Variants in PNLDC1 observed in about 807,000 individuals in gnomAD.
PNLDC1 encodes the protein poly(A)-specific ribonuclease PNLDC1.
In PNLDC1, 70 loss-of-function variants were observed where a neutral mutation model predicts 82.0. The ratio of observed to expected loss-of-function variants is 0.85; its 90% confidence interval spans 0.70 to 1.04. The LOEUF is 1.04. Ranked by LOEUF, PNLDC1 falls within the 50% of genes least tolerant of loss-of-function variation. The probability of loss-of-function intolerance (pLI) is 0.00; values close to 1 mark genes in which losing one functional copy is unlikely to be tolerated. For synonymous variants in PNLDC1, 280 were observed against 249.3 expected, an observed-to-expected ratio of 1.12 and a Z score of -1.16; for missense variants, 631 against 661.1, an observed-to-expected ratio of 0.95 and a Z score of 0.50.
In PNLDC1 at chr6:159,804,638, G is replaced by A; in HGVS notation, c.461+1G>A. 2.5e-6 allele frequency: 4 copies of A among 1,594,442 alleles called. No individual in the cohort carries two copies. The highest frequency in any genetic ancestry group is 3.4e-6 in the Non-Finnish European group (4 of 1,163,462). Reference sequence around the variant, plus strand: ...TGACTGGGAACTGGAGAGTTCGCAGGTATGGCCTGTTTCTCCAGGTGCCTT... The same window carrying A: ...TGACTGGGAACTGGAGAGTTCGCAGATATGGCCTGTTTCTCCAGGTGCCTT... On this transcript the variant is annotated splice_donor_variant, in intron 6 of 18. Transcript: ENST00000392167. LOFTEE classifies it high-confidence loss of function.
At chr6:159,810,195 C>A in intron 10 of PNLDC1, 100 bp downstream of exon 10, 1 of 1,043,426 alleles carries the variant, frequency 9.6e-7, no homozygotes, top group Non-Finnish European at 1.5e-6. Context: ...CTAAAATGCC[C>A]ATTCCTCCCC....
chr6:159,812,339 C>G (rs1449074850), intron 11 of PNLDC1, among the ~76,000 whole-genome samples: 2 of 152,194 alleles, frequency 1.3e-5, no homozygotes, highest in African/African-American at 4.8e-5. Flanking sequence ...CCTCCAGTTT[C>G]CACATTTTGA....
chr6:159,817,753 A>G (rs1406260322), intron 15 of PNLDC1, among the ~76,000 whole-genome samples: 2 of 152,244 alleles, frequency 1.3e-5, no homozygotes, highest in Non-Finnish European at 2.9e-5. Context: ...TTAGCCAGCC[A>G]GGTGAAGGAG....
At position 159,819,295 on chromosome 6, in the gene PNLDC1, T is replaced by C. The variant is rs753276430; in HGVS notation, c.1475T>C (p.Leu492Pro). 1 of 1,613,960 alleles carries C rather than the reference T, an allele frequency of 6.2e-7. No individual in the cohort carries two copies. The highest frequency in any genetic ancestry group is 2.2e-5 in the East Asian group (1 of 44,872). The change falls in exon 18 of 19, where the codon CTG becomes CCG. Residue 492 changes from leucine to proline, a missense_variant. Transcript: ENST00000392167. This position sits in a 1 kb window ranked among gnomAD's most constrained non-coding sequence, Gnocchi z 4.6. ...ILKEYRDHPTLCISLYRYWRH... is the reference protein window; with the variant it reads ...ILKEYRDHPTPCISLYRYWRH... Reference sequence around the variant, plus strand: ...AAGGAGTACCGGGACCACCCGACCCTGTGCATCTCCCTGTACCGCTACTGG... The same window carrying C: ...AAGGAGTACCGGGACCACCCGACCCCGTGCATCTCCCTGTACCGCTACTGG...
At chr6:159,802,196 A>G (rs1466266993) in intron 3 of PNLDC1, among the ~76,000 whole-genome samples, 2 of 152,274 alleles carry the variant, frequency 1.3e-5, no homozygotes, top group East Asian at 1.9e-4. Flanking sequence ...TAGAGAATAC[A>G]TGAACAAATG....
chr6:159,808,931 C>G (rs890893620), intron 8 of PNLDC1, 84 bp from the exon 9 acceptor site: 17 of 1,589,094 alleles, frequency 1.1e-5, no homozygotes, highest in Non-Finnish European at 1.4e-5. Context: ...TTCCCCCTTT[C>G]CTTTTGTTTA....
intron 6 of PNLDC1, 52 bp downstream of exon 6, chr6:159,804,689 C>T (rs904179676): frequency 6.5e-6 from 9 of 1,393,840 alleles, no homozygotes; most frequent in Non-Finnish European, 9.1e-6. Context: ...CTGTTGTCTG[C>T]ATTTCCCGTG....
At chr6:159,815,888 T>C in intron 12 of PNLDC1, 81 bp from the exon 13 acceptor site, 1 of 1,104,514 alleles carries the variant, frequency 9.1e-7, no homozygotes, top group Non-Finnish European at 1.3e-6. Flanking sequence ...AAATTTATAT[T>C]AACTTAAGGG....
rs1174085309 is a variant in PNLDC1 at position 159,819,824 on chromosome 6, G to A, written c.1532+472G>A. ...GGTGCCCGGAGTGTCACGGGGAGAG[G>A]CCATTGTGAGCAAAACAGCAAGGAG... is the stretch of plus-strand genomic sequence containing the variant. On this transcript the variant is annotated intron_variant, in intron 18 of 18. Transcript: ENST00000392167. This position sits in a 1 kb window ranked among gnomAD's most constrained non-coding sequence, Gnocchi z 4.6. Among the ~76,000 whole-genome samples, 1 of 152,102 alleles carries A rather than the reference G, an allele frequency of 6.6e-6. No individual in the cohort carries two copies. The highest frequency in any genetic ancestry group is 6.5e-5 in the Admixed American group (1 of 15,282).
At position 159,818,498 on chromosome 6, in the gene PNLDC1, G is replaced by A. The variant is rs111798716; in HGVS notation, c.1158-57G>A. On this transcript the variant is annotated intron_variant, in intron 15 of 18. Coordinates refer to ENST00000392167, the MANE Select transcript of PNLDC1 (RefSeq NM_001271862.2). ...TGTCACCGGATTCTTGGCTGTGGCC[G>A]AGGAAGTGGATGAACTTCTGTGCGC... 76 of 1,482,010 alleles carry A rather than the reference G, an allele frequency of 5.1e-5. No individual in the cohort carries two copies. In the African/African-American group the frequency reaches 8.9e-4, roughly 17 times the overall value. 91.8% of individuals were successfully genotyped at this position (1,482,010 alleles called of 1,614,324 possible).
At chr6:159,803,188 A>G in intron 3 of PNLDC1, 83 bp from the exon 4 acceptor site, 1 of 1,314,442 alleles carries the variant, frequency 7.6e-7, no homozygotes, top group Non-Finnish European at 1.1e-6. Flanking sequence ...GGCGCAAAGT[A>G]CTGTTTGAGT....
In PNLDC1 at chr6:159,804,011, G is replaced by T; in HGVS notation, c.295G>T (p.Gly99Trp). 1 of 1,613,692 alleles carries T rather than the reference G, an allele frequency of 6.2e-7. No individual in the cohort carries two copies. The highest frequency in any genetic ancestry group is 8.5e-7 in the Non-Finnish European group (1 of 1,179,590). ...CNFYLFPTTF[G>W]ILDSEFSFQA... is the part of the protein sequence containing the mutation. The stretch of plus-strand genomic sequence containing the variant: ...CTTCTATCTCTTCCCTACAACGTTT[G>T]GGATTTTGGACTCAGAATTCTCCTT... The change falls in exon 5 of 19, where the codon GGG becomes TGG. Residue 99 changes from glycine (G) to tryptophan (W), a missense_variant. Transcript: ENST00000392167.
At chr6:159,812,998 T>C (rs1398212367) in intron 11 of PNLDC1, among the ~76,000 whole-genome samples, 1 of 151,820 alleles carries the variant, frequency 6.6e-6, no homozygotes, top group Non-Finnish European at 1.5e-5. Flanking sequence ...TATTCCAGCC[T>C]GGGCAACAGA....
At chr6:159,815,590 C>G (rs1781785854) in intron 12 of PNLDC1, among the ~76,000 whole-genome samples, 1 of 152,212 alleles carries the variant, frequency 6.6e-6, no homozygotes, top group Non-Finnish European at 1.5e-5. Context: ...CAGAAGCCTG[C>G]AGGGTCCTGG....
chr6:159,820,364 C>T (rs1348129277), intron 18 of PNLDC1, 90 bp from the exon 19 acceptor site: 53 of 1,228,944 alleles, frequency 4.3e-5, no homozygotes, highest in East Asian at 3.3e-4. Context: ...TCTGAGTGCA[C>T]GGGGCTGGGA....
chr6:159,817,149 C>A lies in PNLDC1; in HGVS notation c.1155C>A (p.Tyr385Ter). 6.2e-7 allele frequency: 1 copy of A among 1,611,342 alleles called. No homozygotes were observed. The highest frequency in any genetic ancestry group is 8.5e-7 in the Non-Finnish European group (1 of 1,177,702). ...CACACTTGCTTCTACAGAAGATATA[C>A]CAGTAAGTGTTCTTTCTTTTCATCC... ...KVAHLLLQKIYHIDPVPESSF... is the reference protein window; with the variant it reads ...KVAHLLLQKI The change falls in exon 15 of 19, where the codon TAC becomes TAA. Residue 385 changes from tyrosine (Y) to a stop codon, truncating the protein, a stop_gained and splice_region_variant. Coordinates refer to ENST00000392167, the MANE Select transcript of PNLDC1 (RefSeq NM_001271862.2). LOFTEE classifies it high-confidence loss of function.
At chr6:159,814,401 A>G (rs946541442) in intron 12 of PNLDC1, among the ~76,000 whole-genome samples, 3 of 152,036 alleles carry the variant, frequency 2.0e-5, no homozygotes, top group South Asian at 2.1e-4. Flanking sequence ...CTAGGCTCCC[A>G]TGTGGCCTCA....
Position 159,805,998 on chromosome 6 carries a change from C to A in PNLDC1, c.477C>A (p.Asp159Glu). ...CCATTTTCAGCTCTCCGGATAAAGA[C>A]CAAATCAAGGTGGTGATTGACGAAG... ...NWRVRSSPDK[D>E]QIKVVIDEVT... Residue 159 changes from aspartate to glutamate, a missense_variant, in exon 7 of 19, where the codon GAC (aspartate) becomes GAA (glutamate). By Grantham distance (45) the Asp-to-Glu change is conservative (BLOSUM62 2). Transcript: ENST00000392167. 1 of 1,614,070 alleles carries A rather than the reference C, an allele frequency of 6.2e-7. No homozygotes were observed. Among genetic ancestry groups the A allele is most frequent in the South Asian group, 1.1e-5 (1 of 91,090 alleles).
At chr6:159,806,383 A>G (rs1781446726) in intron 7 of PNLDC1, among the ~76,000 whole-genome samples, 1 of 152,136 alleles carries the variant, frequency 6.6e-6, no homozygotes, top group Non-Finnish European at 1.5e-5. Flanking sequence ...ACTTTTGTTA[A>G]TCACTAAGCT....
Sources: allele counts gnomAD v4.1 joint callset (sites outside exome capture counted in the v4.1 genomes callset), GRCh38; gene constraint gnomAD v4.1.1; non-coding constraint Gnocchi (gnomAD v3.1); transcripts MANE v1.5; gene names NCBI Gene and HGNC (gene_info 2026-07-23, HGNC 2026-07-21).